WFDC3: variants seen among roughly 807,000 people sequenced by gnomAD.
The protein encoded by WFDC3 is WAP four-disulfide core domain protein 3.
In WFDC3, 15 loss-of-function variants were observed where a neutral mutation model predicts 25.8. The observed-to-expected ratio is 0.58, with a 90% CI of 0.39 to 0.89. WFDC3 has a LOEUF of 0.89. WFDC3 is among the 40% of genes least tolerant of loss of function. WFDC3 has a pLI of 0.00. For synonymous variants in WFDC3, 103 were observed against 107.1 expected (o/e 0.96, Z 0.24); for missense variants, 264 against 289.8 (o/e 0.91, Z 0.65).
chr20:45,790,496 G>A (rs940320289), intron 1 of WFDC3, among the ~76,000 whole-genome samples: 2 of 152,180 alleles, frequency 1.3e-5, no homozygotes, highest in African/African-American at 2.4e-5. Flanking sequence ...AGGCCAAGGC[G>A]GGCAGATCAC....
intron 6 of WFDC3, among the ~76,000 whole-genome samples, chr20:45,775,122 A>C (rs1303752630): frequency 2.0e-5 from 3 of 151,942 alleles, no homozygotes; most frequent in Admixed American, 2.0e-4. Context: ...CCTAGCCTTA[A>C]GCACCTCAAT....
At chr20:45,791,173 C>CTTTTTTTTTTTT (rs71181859) in intron 1 of WFDC3, among the ~76,000 whole-genome samples, 1 of 63,894 alleles carries the variant, frequency 1.6e-5, no homozygotes, top group Non-Finnish European at 2.8e-5. Context: ...GCCTAATATG[C>CTTTTTTTTTTTT]TTTTTTTTTT....
chr20:45,775,343 C>T, intron 6 of WFDC3, 74 bp downstream of exon 6: 1 of 1,549,366 alleles, frequency 6.5e-7, no homozygotes, highest in Admixed American at 2.0e-5. Flanking sequence ...CTGAAGTCCC[C>T]TTCCCAGCAC....
At chr20:45,790,683 C>T (rs1336236033) in intron 1 of WFDC3, among the ~76,000 whole-genome samples, 1 of 151,706 alleles carries the variant, frequency 6.6e-6, no homozygotes, top group Non-Finnish European at 1.5e-5. Flanking sequence ...GGAGATCATG[C>T]CACTGCACTC....
chr20:45,790,401 C>A (rs1296619013), intron 1 of WFDC3, among the ~76,000 whole-genome samples: 3 of 152,166 alleles, frequency 2.0e-5, no homozygotes, highest in Admixed American at 2.0e-4. Flanking sequence ...AATAACATAA[C>A]CAAGCATAAT....
intron 5 of WFDC3, among the ~76,000 whole-genome samples, chr20:45,776,009 C>A (rs1202833753): frequency 6.6e-6 from 1 of 152,136 alleles, no homozygotes; most frequent in African/African-American, 2.4e-5. Flanking sequence ...CTTTGTGCTC[C>A]TGTAGCACCC....
In WFDC3 at chr20:45,780,727, A is replaced by T. The variant is rs139989499; in HGVS notation, c.359-3518T>A. On this transcript the variant is annotated intron_variant, in intron 4 of 6. Transcript: ENST00000243938. ...CAGTCTGTCCTGCTGCCTCAGCTCCAACCTGCCACTATGTCTGAGAGAAAG... is the reference window on the plus strand; with the variant it reads ...CAGTCTGTCCTGCTGCCTCAGCTCCTACCTGCCACTATGTCTGAGAGAAAG... Among the ~76,000 whole-genome samples, 18 of 152,336 alleles carry T rather than the reference A, an allele frequency of 1.2e-4. No individual in the cohort carries two copies. The East Asian group carries it at 3.3e-3, about 28-fold the overall frequency.
At chr20:45,791,560 G>C (rs957369499) in intron 1 of WFDC3, among the ~76,000 whole-genome samples, 2 of 152,130 alleles carry the variant, frequency 1.3e-5, no homozygotes, top group Non-Finnish European at 2.9e-5. Flanking sequence ...GCCTCCCAAA[G>C]TGCTGGGATT....
In WFDC3 at chr20:45,777,193, T is replaced by C. The variant is rs1293966407; in HGVS notation, c.375A>G (p.Glu125=). The C allele has an allele frequency of 5.1e-6, 8 of 1,572,090 alleles. No homozygotes were observed. Among genetic ancestry groups the C allele is most frequent in the Non-Finnish European group, 6.9e-6 (8 of 1,159,576 alleles). ...CACACGGAAGGGGGTCAGCGGGACA[T>C]TCACCACCAAACTCTGCTACATAAT... ...SKQKLAEFGG[E]CPADPLPCEE... The change falls in exon 5 of 7, where the codon GAA becomes GAG. Residue 125 remains glutamate, a synonymous_variant. Coordinates refer to ENST00000243938, the MANE Select transcript of WFDC3 (RefSeq NM_080614.2).
intron 6 of WFDC3, 112 bp from the exon 7 acceptor site, chr20:45,774,556 A>G: frequency 7.1e-7 from 1 of 1,410,250 alleles, no homozygotes; most frequent in Non-Finnish European, 9.9e-7. Context: ...CAAAAGTCTT[A>G]AATAGCTCCT....
chr20:45,787,287 T>C (rs866075576), intron 4 of WFDC3, among the ~76,000 whole-genome samples: 8 of 111,130 alleles, frequency 7.2e-5, no homozygotes, highest in African/African-American at 1.1e-4. Flanking sequence ...TTTTTCTTTT[T>C]TTTTTTTTTT....
intron 5 of WFDC3, among the ~76,000 whole-genome samples, chr20:45,776,343 C>T (rs57894159): frequency 0.019 from 2,380 of 125,008 alleles, 64 homozygotes; most frequent in African/African-American, 0.063. Context: ...CGTGGTGGCT[C>T]ACGCCTGTAA....
chr20:45,785,298 C>T (rs1980618261), intron 4 of WFDC3, among the ~76,000 whole-genome samples: 2 of 151,844 alleles, frequency 1.3e-5, no homozygotes, highest in African/African-American at 4.8e-5. Context: ...GGCAAAACCC[C>T]ATCTCTTCTA....
chr20:45,776,631 A>T (rs1408136752), intron 5 of WFDC3, among the ~76,000 whole-genome samples: 1,234 of 68,796 alleles, frequency 0.018, 4 homozygotes, highest in Non-Finnish European at 0.025. Context: ...AGAAAAAAAA[A>T]AAAAATATAT....
At chr20:45,790,496 G>T (rs940320289) in intron 1 of WFDC3, among the ~76,000 whole-genome samples, 1 of 152,180 alleles carries the variant, frequency 6.6e-6, no homozygotes, top group Admixed American at 6.5e-5. Flanking sequence ...AGGCCAAGGC[G>T]GGCAGATCAC....
intron 5 of WFDC3, among the ~76,000 whole-genome samples, chr20:45,776,645 T>A (rs1301638186): frequency 1.2e-4 from 13 of 111,482 alleles, no homozygotes; most frequent in African/African-American, 3.0e-4. Flanking sequence ...AATATATATA[T>A]ATATATATAT....
At position 45,777,130 on chromosome 20, in the gene WFDC3, C is replaced by T. The variant is rs754272865; in HGVS notation, c.438G>A (p.Gly146=). ...CACAGCCGGTGCTGCAGCATTTATG[C>T]CCCTGGGGACAGGATGCATCCCCAT... ...LCDGDASCPQ[G]HKCCSTGCGR... Residue 146 remains glycine (G), a synonymous_variant, in exon 5 of 7, where the codon GGG becomes GGA. Transcript: ENST00000243938. 5 of 1,611,344 alleles carry T rather than the reference C, an allele frequency of 3.1e-6. No homozygotes were observed. Among genetic ancestry groups the T allele is most frequent in the Admixed American group, 3.4e-5 (2 of 59,692 alleles).
intron 4 of WFDC3, among the ~76,000 whole-genome samples, chr20:45,781,939 T>C (rs1019870031): frequency 6.6e-6 from 1 of 152,182 alleles, no homozygotes; most frequent in Non-Finnish European, 1.5e-5. Flanking sequence ...TTAACTCTTT[T>C]CTGTACAACC....
chr20:45,781,043 C>T (rs900730375), intron 4 of WFDC3, among the ~76,000 whole-genome samples: 7 of 147,196 alleles, frequency 4.8e-5, no homozygotes, highest in Admixed American at 6.8e-5. Flanking sequence ...AGTTCAAAAC[C>T]AATCTGGCCA....
Sources: gnomAD v4.1 joint callset for allele counts (sites outside exome capture counted in the v4.1 genomes callset) on GRCh38, gnomAD v4.1.1 for gene constraint, MANE v1.5 for transcripts, NCBI Gene and HGNC (gene_info 2026-07-23, HGNC 2026-07-21) for gene names.